AKAP19: variants seen among roughly 807,000 people sequenced by gnomAD.
AKAP19 encodes the protein A-kinase anchoring protein 19, also known as small A-kinase anchoring protein.
At chr2:190,138,374 A>G in the AKAP19 span, among the ~76,000 whole-genome samples, 3 of 152,196 alleles carry the variant, frequency 2.0e-5, no homozygotes, top group African/African-American at 7.2e-5. Context: ...GCTCACAAAA[A>G]TTGAAGGAGT....
the AKAP19 span, among the ~76,000 whole-genome samples, chr2:190,006,199 A>G: frequency 1.6e-4 from 24 of 152,354 alleles, no homozygotes; most frequent in East Asian, 4.6e-3. Flanking sequence ...ATCCTCAAGA[A>G]TTGCAGCTAT....
At chr2:189,884,977 A>G in the AKAP19 span, among the ~76,000 whole-genome samples, 1 of 152,254 alleles carries the variant, frequency 6.6e-6, no homozygotes, top group African/African-American at 2.4e-5. Context: ...AAATAATCAG[A>G]TTAATGAATC....
the AKAP19 span, among the ~76,000 whole-genome samples, chr2:190,187,842 G>A: frequency 8.6e-3 from 1,313 of 152,316 alleles, 5 homozygotes; most frequent in Non-Finnish European, 0.014. Flanking sequence ...GATGGACTGA[G>A]ACCCTGGCTC....
At chr2:190,060,583 T>A in the AKAP19 span, 1 of 714,924 alleles carries the variant, frequency 1.4e-6, no homozygotes, top group Non-Finnish European at 2.2e-6. Flanking sequence ...ACTTTATAAC[T>A]CAAAAAAATG....
chr2:190,113,163 A>G, the AKAP19 span, among the ~76,000 whole-genome samples: 7 of 151,940 alleles, frequency 4.6e-5, no homozygotes, highest in Non-Finnish European at 8.8e-5. Flanking sequence ...TGTGCATTAT[A>G]TTGTTTATTC....
chr2:190,186,825 G>A, the AKAP19 span, among the ~76,000 whole-genome samples: 2 of 152,116 alleles, frequency 1.3e-5, no homozygotes, highest in Non-Finnish European at 2.9e-5. This position sits in a 1 kb window ranked among gnomAD's most constrained non-coding sequence, Gnocchi z 5.5. Flanking sequence ...TGAGATATAT[G>A]TATTTTTTAT....
the AKAP19 span, among the ~76,000 whole-genome samples, chr2:190,102,168 C>A: frequency 6.6e-6 from 1 of 152,198 alleles, no homozygotes; most frequent in African/African-American, 2.4e-5. Flanking sequence ...ATACCCAAAT[C>A]TCTGGGATGC....
chr2:190,038,965 TTCTTCTTTCTTC>T, the AKAP19 span, among the ~76,000 whole-genome samples: 3 of 146,678 alleles, frequency 2.0e-5, no homozygotes, highest in South Asian at 4.3e-4. Flanking sequence ...CTTCTTCTTC[TTCTTCTTTCTTC>T]TTCTTCTTCC....
chr2:190,135,204 C>T, the AKAP19 span, among the ~76,000 whole-genome samples: 2 of 152,092 alleles, frequency 1.3e-5, no homozygotes, highest in African/African-American at 4.8e-5. Context: ...ACATTTTCTC[C>T]CTCCTACCTA....
At chr2:190,133,794 C>G in the AKAP19 span, among the ~76,000 whole-genome samples, 1 of 152,128 alleles carries the variant, frequency 6.6e-6, no homozygotes, top group African/African-American at 2.4e-5. Flanking sequence ...GAGTTGAACT[C>G]ATAGAAGCAG....
the AKAP19 span, among the ~76,000 whole-genome samples, chr2:190,127,685 T>C: frequency 1.3e-5 from 2 of 152,184 alleles, no homozygotes; most frequent in South Asian, 2.1e-4. Flanking sequence ...TTTACTACCA[T>C]TGAAGTTATT....
At chr2:189,972,164 T>C in the AKAP19 span, among the ~76,000 whole-genome samples, 3 of 152,196 alleles carry the variant, frequency 2.0e-5, no homozygotes, top group African/African-American at 7.2e-5. Context: ...TTGTATAAGG[T>C]GTAAAGAAGG....
chr2:189,898,611 G>A, the AKAP19 span, among the ~76,000 whole-genome samples: 1 of 152,042 alleles, frequency 6.6e-6, no homozygotes, highest in Non-Finnish European at 1.5e-5. Context: ...CCATTATAGA[G>A]TCCACCCAAG....
chr2:190,126,981 T>G, the AKAP19 span, among the ~76,000 whole-genome samples: 2 of 152,206 alleles, frequency 1.3e-5, no homozygotes. Flanking sequence ...TGGCCACATC[T>G]TCAGCATATT....
At chr2:190,017,384 T>C in the AKAP19 span, among the ~76,000 whole-genome samples, 1 of 152,174 alleles carries the variant, frequency 6.6e-6, no homozygotes, top group Non-Finnish European at 1.5e-5. Context: ...GATGGTTTTC[T>C]GTAGTGGAAT....
At chr2:190,023,795 GTATATATATA>G in the AKAP19 span, among the ~76,000 whole-genome samples, 1 of 142,834 alleles carries the variant, frequency 7.0e-6, no homozygotes, top group Non-Finnish European at 1.5e-5. Flanking sequence ...ATGTGTGTGT[GTATATATATA>G]TATATATATA....
At chr2:190,121,108 T>C in the AKAP19 span, among the ~76,000 whole-genome samples, 1 of 148,220 alleles carries the variant, frequency 6.7e-6, no homozygotes, top group African/African-American at 2.4e-5. Context: ...ACTAAAAATC[T>C]AAGTCTTTTT....
At chr2:189,917,204 G>T in the AKAP19 span, 4 of 807,444 alleles carry the variant, frequency 5.0e-6, no homozygotes, top group Non-Finnish European at 7.6e-6. Flanking sequence ...CAAACAAAAT[G>T]CAGTGATCAA....
chr2:189,914,466 T>C, the AKAP19 span, among the ~76,000 whole-genome samples: 1 of 152,080 alleles, frequency 6.6e-6, no homozygotes, highest in African/African-American at 2.4e-5. Context: ...TTATTGAATA[T>C]AACAATTTTG....
Sources: allele counts gnomAD v4.1 joint callset (sites outside exome capture counted in the v4.1 genomes callset), GRCh38; gene constraint gnomAD v4.1.1; non-coding constraint Gnocchi (gnomAD v3.1); transcripts MANE v1.5; gene names NCBI Gene and HGNC (gene_info 2026-07-23, HGNC 2026-07-21).